Variants in PCDH15 observed in about 807,000 individuals in gnomAD.
PCDH15 encodes the protein protocadherin related 15, also known as protocadherin-15.
PCDH15 carries 129 observed loss-of-function variants against 178.5 expected under a neutral mutation model. That is an observed-to-expected ratio of 0.72 (90% CI 0.63 to 0.84). PCDH15 has a LOEUF of 0.84. Among genes scored for constraint, PCDH15 ranks in the 40% least tolerant of loss-of-function variants. The pLI, the probability that PCDH15 is intolerant of heterozygous loss-of-function variation, is 0.00. For synonymous variants in PCDH15, 800 were observed against 732.0 expected, an observed-to-expected ratio of 1.09 and a Z score of -1.50; for missense variants, 2,230 against 2,099.9, an observed-to-expected ratio of 1.06 and a Z score of -1.21.
At chr10:54,523,125 T>G (rs992328139) in intron 3 of PCDH15, among the ~76,000 whole-genome samples, 4 of 152,166 alleles carry the variant, frequency 2.6e-5, no homozygotes, top group African/African-American at 9.6e-5. Flanking sequence ...CAGGTCAGCA[T>G]TTTTGGAATG....
chr10:55,242,781 G>A (rs1841586074), intron 1 of PCDH15, among the ~76,000 whole-genome samples: 1 of 152,078 alleles, frequency 6.6e-6, no homozygotes, highest in African/African-American at 2.4e-5. Flanking sequence ...TGCCCAGGAG[G>A]TTGAGCCGTG....
At chr10:54,936,606 T>C (rs531499067) in intron 2 of PCDH15, among the ~76,000 whole-genome samples, 1 of 152,076 alleles carries the variant, frequency 6.6e-6, no homozygotes, top group East Asian at 1.9e-4. Flanking sequence ...TTACTGTGAA[T>C]TTAATTTTCT....
intron 5 of PCDH15, among the ~76,000 whole-genome samples, chr10:54,349,210 A>G (rs974524988): frequency 6.6e-6 from 1 of 152,176 alleles, no homozygotes; most frequent in African/African-American, 2.4e-5. Flanking sequence ...TTACTGGGGT[A>G]ATGTATACTA....
At chr10:55,243,768 A>G (rs1449722773) in intron 1 of PCDH15, among the ~76,000 whole-genome samples, 1 of 152,184 alleles carries the variant, frequency 6.6e-6, no homozygotes, top group African/African-American at 2.4e-5. Context: ...CTTTATTTCC[A>G]AATTCAGAAC....
chr10:54,335,263 C>T (rs1564998264), intron 6 of PCDH15, among the ~76,000 whole-genome samples: 1 of 152,166 alleles, frequency 6.6e-6, no homozygotes, highest in Admixed American at 6.5e-5. Context: ...TAAAACATGT[C>T]CCTGGCTGAC....
chr10:54,687,723 A>C (rs1165414018), intron 1 of PCDH15, among the ~76,000 whole-genome samples: 1 of 152,088 alleles, frequency 6.6e-6, no homozygotes, highest in Non-Finnish European at 1.5e-5. Context: ...CCATTCACTG[A>C]ACCCCACCCT....
At chr10:54,959,061 G>A (rs960873496) in intron 2 of PCDH15, among the ~76,000 whole-genome samples, 5 of 151,782 alleles carry the variant, frequency 3.3e-5, no homozygotes, top group African/African-American at 1.2e-4. Flanking sequence ...AACTATAAGT[G>A]AGTATGAGTC....
chr10:55,111,187 T>A (rs1837491992), intron 2 of PCDH15, among the ~76,000 whole-genome samples: 1 of 152,180 alleles, frequency 6.6e-6, no homozygotes, highest in African/African-American at 2.4e-5. Context: ...CATTAATATG[T>A]GTCTGAAGAC....
At chr10:53,959,936 G>T (rs1350834278) in intron 22 of PCDH15, 92 bp from the exon 23 acceptor site, 18 of 998,144 alleles carry the variant, frequency 1.8e-5, no homozygotes, top group Non-Finnish European at 2.8e-5. Context: ...TTATTGGATT[G>T]CCTGGTTCCA....
intron 2 of PCDH15, among the ~76,000 whole-genome samples, chr10:54,993,198 T>C (rs1170813301): frequency 1.3e-5 from 2 of 152,068 alleles, no homozygotes; most frequent in Non-Finnish European, 2.9e-5. Context: ...AATAGAAGAA[T>C]TCAAAGAAAT....
chr10:54,760,603 C>A (rs1947750945), intron 1 of PCDH15, among the ~76,000 whole-genome samples: 1 of 152,102 alleles, frequency 6.6e-6, no homozygotes, highest in African/African-American at 2.4e-5. Context: ...ATGATGTTGG[C>A]ACTCTTGATC....
chr10:54,101,246 C>A (rs1420432938), intron 15 of PCDH15, among the ~76,000 whole-genome samples: 1 of 152,172 alleles, frequency 6.6e-6, no homozygotes, highest in Admixed American at 6.5e-5. Context: ...GAAGCCTCCC[C>A]AGCTACATGA....
chr10:54,369,114 A>G lies in PCDH15; in HGVS notation c.474+6T>C. ...AAGGACAGAGAGAGAGTAAATAGAA[A>G]CTGACCTCATTCACTGTGGCATAGT... On this transcript the variant is annotated splice_donor_region_variant and intron_variant, in intron 5 of 37. Coordinates refer to ENST00000644397, the MANE Select transcript of PCDH15 (RefSeq NM_001384140.1). 6.2e-7 allele frequency: 1 copy of G among 1,612,646 alleles called. No homozygotes were observed.
chr10:55,612,959 AG>A (rs1843399057), intron 2 of PCDH15, among the ~76,000 whole-genome samples: 1 of 152,010 alleles, frequency 6.6e-6, no homozygotes, highest in Non-Finnish European at 1.5e-5. Flanking sequence ...CTACCCTATA[AG>A]GATACTATCT....
chr10:54,031,400 G>A (rs770324590), intron 18 of PCDH15, among the ~76,000 whole-genome samples: 13 of 151,872 alleles, frequency 8.6e-5, no homozygotes, highest in Non-Finnish European at 1.6e-4. Flanking sequence ...AGTATGCTAC[G>A]CAATTAAATA....
chr10:54,357,068 A>C (rs2134380444), intron 5 of PCDH15, among the ~76,000 whole-genome samples: 1 of 152,274 alleles, frequency 6.6e-6, no homozygotes, highest in South Asian at 2.1e-4. Flanking sequence ...TGAATGGGCA[A>C]AAACTGGAAG....
intron 15 of PCDH15, among the ~76,000 whole-genome samples, chr10:54,122,583 A>C (rs576500052): frequency 0.029 from 4,429 of 150,828 alleles, 233 homozygotes; most frequent in African/African-American, 0.1. Flanking sequence ...CCAAATAGCA[A>C]AAAAAAAAGA....
chr10:55,568,525 A>G (rs1842347622), intron 2 of PCDH15, among the ~76,000 whole-genome samples: 1 of 152,054 alleles, frequency 6.6e-6, no homozygotes, highest in Admixed American at 6.6e-5. Context: ...TTACCAAAAT[A>G]CAAAATTGGA....
chr10:54,098,299 G>A (rs2094740319), intron 15 of PCDH15, among the ~76,000 whole-genome samples: 1 of 151,562 alleles, frequency 6.6e-6, no homozygotes, highest in African/African-American at 2.4e-5. Context: ...TTAGGGAACA[G>A]TTTGTTCTGG....
Sources: allele counts gnomAD v4.1 joint callset (sites outside exome capture counted in the v4.1 genomes callset), GRCh38; gene constraint gnomAD v4.1.1; transcripts MANE v1.5; gene names NCBI Gene and HGNC (gene_info 2026-07-23, HGNC 2026-07-21).